Variants in ABCB7 observed in about 807,000 individuals in gnomAD.
ABCB7 encodes ATP binding cassette subfamily B member 7, also known as iron-sulfur clusters transporter ABCB7, mitochondrial.
Under a neutral mutation model 54.4 loss-of-function variants are expected in ABCB7, and 7 were observed. That is an observed-to-expected ratio of 0.13 (90% CI 0.07 to 0.24). The LOEUF (loss-of-function observed/expected upper bound fraction) is 0.24, where lower values mean the gene tolerates loss of function less well. ABCB7 is among the 10% of genes least tolerant of loss of function. ABCB7 has a pLI of 1.00. For missense variants in ABCB7, 356 were observed against 570.4 expected (o/e 0.62, Z 3.83); for synonymous variants, 218 against 207.1 (o/e 1.05, Z -0.45).
At chrX:75,064,443 C>T (rs1229798251) in intron 13 of ABCB7, among the ~76,000 whole-genome samples, 2 of 109,977 alleles carry the variant, frequency 1.8e-5, no homozygotes, top group Non-Finnish European at 3.8e-5. Flanking sequence ...GGTAAAGAAA[C>T]ATTTTTCTGT....
rs147709009 is a variant in ABCB7 at position 75,114,759 on chromosome X, C to G, written c.241G>C (p.Ala81Pro). Residue 81 changes from alanine (A) to proline (P), a missense_variant, in exon 2 of 16, where the codon GCA becomes CCA. Physicochemically the swap from Ala to Pro is conservative, Grantham distance 27. Coordinates refer to ENST00000373394, the MANE Select transcript of ABCB7 (RefSeq NM_001271696.3). ...ACATGTTTGCTCAATCTTACCTTTG[C>G]AGCATCTAAGAACTGTCCTGAATTG... The part of the protein sequence containing the change: ...KGNSGQFLDA[A>P]KALQVWPLIE... 8.3e-7 allele frequency: 1 copy of G among 1,198,005 alleles called. No homozygotes were observed. Among genetic ancestry groups the G allele is most frequent in the Admixed American group, 2.2e-5 (1 of 45,669 alleles).
At position 75,068,233 on chromosome X, in the gene ABCB7, T is replaced by C. The variant is rs766268528; in HGVS notation, c.1659+774A>G. ...TCCCCATCCAATCACTCTCTTACAGTTCTTCCTCTCCCCATATTTTGATCC... is the reference window on the plus strand; with the variant it reads ...TCCCCATCCAATCACTCTCTTACAGCTCTTCCTCTCCCCATATTTTGATCC... On this transcript the variant is annotated intron_variant, in intron 12 of 15. Coordinates refer to ENST00000373394, the MANE Select transcript of ABCB7 (RefSeq NM_001271696.3). Among the ~76,000 whole-genome samples the C allele has an allele frequency of 9.0e-5, 10 of 111,182 alleles. No homozygotes were observed. The South Asian group carries it at 3.9e-3, about 43-fold the overall frequency.
chrX:75,068,971 T>G, intron 12 of ABCB7, 36 bp downstream of exon 12: 1 of 1,195,486 alleles, frequency 8.4e-7, no homozygotes, highest in Non-Finnish European at 1.1e-6. Flanking sequence ...ACCCAATAAA[T>G]CCTCCAAAAA....
chrX:75,058,205 C>A (rs2081256685), intron 15 of ABCB7, among the ~76,000 whole-genome samples: 1 of 111,120 alleles, frequency 9.0e-6, no homozygotes, highest in Non-Finnish European at 1.9e-5. Flanking sequence ...CAACATGAAT[C>A]AACTTGCTTT....
intron 8 of ABCB7, among the ~76,000 whole-genome samples, chrX:75,072,985 A>G (rs2081376626): frequency 9.3e-6 from 1 of 108,076 alleles, no homozygotes; most frequent in African/African-American, 3.4e-5. Flanking sequence ...AATCACACAC[A>G]TTAGCCTAGA....
intron 12 of ABCB7, among the ~76,000 whole-genome samples, chrX:75,066,081 A>G (rs1373349790): frequency 2.7e-5 from 3 of 112,073 alleles, no homozygotes; most frequent in African/African-American, 9.7e-5. Context: ...TATGCAATAT[A>G]TATATTTTTG....
At chrX:75,150,477 C>G (rs2082123070) in intron 1 of ABCB7, among the ~76,000 whole-genome samples, 1 of 110,822 alleles carries the variant, frequency 9.0e-6, no homozygotes, top group Admixed American at 9.6e-5. Context: ...TTGGTCAAGA[C>G]TGAGCACCAA....
chrX:75,061,113 G>T, intron 14 of ABCB7, among the ~76,000 whole-genome samples: 1 of 111,623 alleles, frequency 9.0e-6, no homozygotes, highest in Non-Finnish European at 1.9e-5. Context: ...TTTTACTAGG[G>T]CAGACTGATA....
chrX:75,126,583 G>A (rs1160470774), intron 1 of ABCB7, among the ~76,000 whole-genome samples: 3 of 107,563 alleles, frequency 2.8e-5, no homozygotes, highest in African/African-American at 1.0e-4. Flanking sequence ...ATAGAGACAG[G>A]AAAAATGCTT....
chrX:75,121,706 G>A (rs900426900), intron 1 of ABCB7, among the ~76,000 whole-genome samples: 2 of 112,325 alleles, frequency 1.8e-5, no homozygotes, highest in African/African-American at 6.5e-5. Flanking sequence ...TAGTTTACTT[G>A]GGATAATTTT....
At chrX:75,068,388 T>C (rs1221835401) in intron 12 of ABCB7, among the ~76,000 whole-genome samples, 1 of 111,893 alleles carries the variant, frequency 8.9e-6, no homozygotes, top group Non-Finnish European at 1.9e-5. Context: ...TATCTACTTC[T>C]TAACTTCTCA....
chrX:75,069,150 T>G lies in ABCB7; in HGVS notation c.1530-14A>C. 1.7e-6 allele frequency: 2 copies of G among 1,209,798 alleles called. No individual in the cohort carries two copies. Among genetic ancestry groups the G allele is most frequent in the Non-Finnish European group, 2.2e-6 (2 of 893,967 alleles). On this transcript the variant is annotated splice_polypyrimidine_tract_variant and intron_variant, in intron 11 of 15. Transcript: ENST00000373394. ...ATTGTGCTTTTCCTGAAATTGGAGA[T>G]GAAGAAAGGTTATTTAGCTCCTATT...
chrX:75,147,182 G>T (rs1266704904), intron 1 of ABCB7, among the ~76,000 whole-genome samples: 1 of 111,373 alleles, frequency 9.0e-6, no homozygotes, highest in Non-Finnish European at 1.9e-5. Context: ...TGCTGGTGAG[G>T]TTATGAAGAA....
intron 4 of ABCB7, among the ~76,000 whole-genome samples, chrX:75,095,979 T>G: frequency 8.9e-6 from 1 of 112,002 alleles, no homozygotes; most frequent in East Asian, 2.8e-4. Flanking sequence ...TGCCATTACT[T>G]AAGACTCTCC....
chrX:75,115,794 G>T (rs904377344), intron 1 of ABCB7, among the ~76,000 whole-genome samples: 1 of 107,479 alleles, frequency 9.3e-6, no homozygotes, highest in Admixed American at 1.0e-4. Flanking sequence ...GTTGGGGGGG[G>T]GGGCACGGGG....
chrX:75,155,261 G>C (rs1391508748), intron 1 of ABCB7, among the ~76,000 whole-genome samples: 1 of 113,154 alleles, frequency 8.8e-6, no homozygotes, highest in Middle Eastern at 4.2e-3. Flanking sequence ...CAAAATTTAA[G>C]AGGTTGTTTC....
chrX:75,123,999 G>C (rs997246074), intron 1 of ABCB7, among the ~76,000 whole-genome samples: 5 of 111,898 alleles, frequency 4.5e-5, no homozygotes, highest in Non-Finnish European at 9.4e-5. Context: ...TATTCTTCTT[G>C]ATTGTTTTTC....
chrX:75,107,025 G>A (rs768489535), intron 3 of ABCB7, among the ~76,000 whole-genome samples: 1 of 111,242 alleles, frequency 9.0e-6, no homozygotes, highest in Admixed American at 9.5e-5. Flanking sequence ...CGCAGAAGCA[G>A]TGGTGTGGTG....
intron 4 of ABCB7, among the ~76,000 whole-genome samples, chrX:75,081,257 T>C (rs1419449321): frequency 8.9e-6 from 1 of 112,264 alleles, no homozygotes; most frequent in African/African-American, 3.2e-5. Context: ...ACATTACACC[T>C]ATCTGAAAGA....
Sources: gnomAD v4.1 joint callset for allele counts (sites outside exome capture counted in the v4.1 genomes callset) on GRCh38, gnomAD v4.1.1 for gene constraint, MANE v1.5 for transcripts, NCBI Gene and HGNC (gene_info 2026-07-23, HGNC 2026-07-21) for gene names.